ATP2B1: variants seen among roughly 807,000 people sequenced by gnomAD.
ATP2B1 encodes the protein plasma membrane calcium-transporting ATPase 1.
In ATP2B1, 14 loss-of-function variants were observed where a neutral mutation model predicts 124.2. The ratio of observed to expected loss-of-function variants is 0.11; its 90% CI spans 0.07 to 0.18. The LOEUF (loss-of-function observed/expected upper bound fraction) is 0.18, where lower values mean the gene tolerates loss of function less well. ATP2B1 is among the 10% of genes least tolerant of loss of function. ATP2B1 has a pLI of 1.00. For missense variants in ATP2B1, 763 were observed against 1,466.1 expected (o/e 0.52, Z 7.83); for synonymous variants, 449 against 492.4 (o/e 0.91, Z 1.17).
intron 1 of ATP2B1, among the ~76,000 whole-genome samples, chr12:89,674,136 A>G (rs1888330103): frequency 6.6e-6 from 1 of 152,210 alleles, no homozygotes; most frequent in African/African-American, 2.4e-5. Context: ...GCAAGACACA[A>G]TAATTCCTGT....
intron 20 of ATP2B1, among the ~76,000 whole-genome samples, chr12:89,598,060 A>AAAAAAAAAAAAAC: frequency 6.6e-6 from 1 of 150,880 alleles, no homozygotes; most frequent in Non-Finnish European, 1.5e-5. Flanking sequence ...AAAAAAAAAA[A>AAAAAAAAAAAAAC]AAATCAAAGC....
rs146424750 is a variant in ATP2B1, at chr12:89,667,738, T to G, written c.-221-11631A>C. On this transcript the variant is annotated intron_variant, in intron 1 of 20. Coordinates refer to ENST00000428670, the MANE Select transcript of ATP2B1 (RefSeq NM_001366521.1). ...GTACACTGCTAAAAGAAATCACAGATGATACAAACAAATGGAAAAACATTC... is the reference window on the plus strand; with the variant it reads ...GTACACTGCTAAAAGAAATCACAGAGGATACAAACAAATGGAAAAACATTC... Among the ~76,000 whole-genome samples the G allele has an allele frequency of 2.4e-4, 37 of 152,218 alleles. 1 individual carries two copies. Among genetic ancestry groups the G allele is most frequent in the African/African-American group, 7.7e-4 (32 of 41,518 alleles).
At chr12:89,643,089 C>CAT (rs1883835405) in intron 2 of ATP2B1, among the ~76,000 whole-genome samples, 1 of 148,424 alleles carries the variant, frequency 6.7e-6, no homozygotes, top group Admixed American at 6.7e-5. Context: ...CACACACACA[C>CAT]ACATATATAC....
intron 20 of ATP2B1, chr12:89,595,006 GGGTA>G (rs1874307155): frequency 6.6e-6 from 1 of 151,988 alleles, no homozygotes; most frequent in South Asian, 2.1e-4. Context: ...TTCCAAAGTT[GGGTA>G]CTTGCATATT....
At chr12:89,660,444 A>C (rs1439488580) in intron 1 of ATP2B1, among the ~76,000 whole-genome samples, 1 of 152,236 alleles carries the variant, frequency 6.6e-6, no homozygotes, top group African/African-American at 2.4e-5. Context: ...CAAAGACAAA[A>C]GTTCAGTTTA....
At chr12:89,705,174 T>A (rs1201761402) in intron 1 of ATP2B1, among the ~76,000 whole-genome samples, 3 of 152,138 alleles carry the variant, frequency 2.0e-5, no homozygotes, top group Non-Finnish European at 1.5e-5. Context: ...AAAAAGTGAA[T>A]TTTTTAAAGT....
chr12:89,680,699 A>G (rs1329673989), intron 1 of ATP2B1, among the ~76,000 whole-genome samples: 1 of 152,130 alleles, frequency 6.6e-6, no homozygotes, highest in East Asian at 1.9e-4. Context: ...ATCTTTCCAC[A>G]TAGAAGAGGC....
chr12:89,698,801 C>A (rs1456644830), intron 1 of ATP2B1, among the ~76,000 whole-genome samples: 1 of 152,108 alleles, frequency 6.6e-6, no homozygotes, highest in African/African-American at 2.4e-5. Flanking sequence ...TTGAGCTGGT[C>A]AGGTTAGATA....
chr12:89,605,854 A>G (rs1187196504), intron 15 of ATP2B1, among the ~76,000 whole-genome samples: 1 of 152,214 alleles, frequency 6.6e-6, no homozygotes, highest in Non-Finnish European at 1.5e-5. Context: ...ATGCTGAGAG[A>G]CGTATCTCTT....
rs1878139012 is a variant in ATP2B1, at chr12:89,612,178, GTTTTTTA to G, written c.2068-813_2068-807del. ...AACATATGATATACTTGATGGTAGA[GTTTTTTA>G]TTTTTTAAGCAGAAATACACTTTCT... On this transcript the variant is annotated intron_variant, in intron 12 of 20. Coordinates refer to ENST00000428670, the MANE Select transcript of ATP2B1 (RefSeq NM_001366521.1). 3.3e-5 allele frequency: 5 copies of G among 152,224 alleles called. No individual in the cohort carries two copies. In the South Asian group the frequency reaches 1.0e-3, roughly 32 times the overall value. The allele number at this position is 152,224 out of a possible 1,614,324, so 9.4% of individuals were successfully genotyped here. A position where few individuals can be genotyped will look rare whatever the true frequency, so the allele number is the denominator to read the frequency against.
At position 89,642,249 on chromosome 12, in the gene ATP2B1, T is replaced by A; in HGVS notation, c.315A>T (p.Ala105=). Residue 105 remains alanine, a synonymous_variant, in exon 3 of 21, where the codon GCA becomes GCT. Transcript: ENST00000428670. ...PKTFLQLVWE[A]LQDVTLIILE... ...ATATAATTAAAGTGACATCTTGTAA[T>A]GCTTCCCATACTAATTGAAGAAAGG... 2 of 1,613,694 alleles carry A rather than the reference T, an allele frequency of 1.2e-6. No homozygotes were observed. Among genetic ancestry groups the A allele is most frequent in the Non-Finnish European group, 1.7e-6 (2 of 1,179,690 alleles).
rs77159805 is a variant in ATP2B1, at chr12:89,590,416, CTT to C, written c.*566_*567del. 8.5e-5 allele frequency: 12 copies of C among 141,574 alleles called. No individual in the cohort carries two copies. The highest frequency in any genetic ancestry group is 1.3e-4 in the African/African-American group (5 of 38,878). The allele number at this position is 141,574 out of a possible 1,614,324, so 8.8% of individuals were successfully genotyped here. On this transcript the variant is annotated 3_prime_UTR_variant, in exon 21 of 21. Transcript: ENST00000428670. ...TAGTACAGTTTCAATAGAAACACCC[CTT>C]TTTTTTTTTTTCCTGAAAATACAGC...
chr12:89,612,950 G>A (rs1878295427), intron 12 of ATP2B1, among the ~76,000 whole-genome samples: 1 of 151,930 alleles, frequency 6.6e-6, no homozygotes, highest in Non-Finnish European at 1.5e-5. Context: ...ATAATAGCAA[G>A]GTACATTTTT....
At chr12:89,604,022 C>G (rs1263145489) in intron 16 of ATP2B1, 97 bp from the exon 17 acceptor site, 10 of 1,419,932 alleles carry the variant, frequency 7.0e-6, no homozygotes, top group Non-Finnish European at 8.6e-6. Flanking sequence ...AGAAACAGAA[C>G]AGGATTATAT....
chr12:89,690,875 C>T (rs1173244811), intron 1 of ATP2B1, among the ~76,000 whole-genome samples: 2 of 152,128 alleles, frequency 1.3e-5, no homozygotes, highest in Non-Finnish European at 2.9e-5. Context: ...GGATTTAAAT[C>T]TGGCTTTTTT....
At chr12:89,622,004 G>A (rs1433755971) in intron 9 of ATP2B1, among the ~76,000 whole-genome samples, 1 of 151,782 alleles carries the variant, frequency 6.6e-6, no homozygotes, top group Non-Finnish European at 1.5e-5. Context: ...GCTTTCTGGG[G>A]TTTCAATCAT....
intron 1 of ATP2B1, among the ~76,000 whole-genome samples, chr12:89,660,080 A>T (rs1321868983): frequency 6.6e-6 from 1 of 152,206 alleles, no homozygotes; most frequent in Non-Finnish European, 1.5e-5. Context: ...ATTGTACATC[A>T]GCATGAGATT....
chr12:89,651,473 G>C (rs1885244716), intron 2 of ATP2B1, among the ~76,000 whole-genome samples: 1 of 151,702 alleles, frequency 6.6e-6, no homozygotes, highest in Non-Finnish European at 1.5e-5. Flanking sequence ...TTTTAATGTT[G>C]CCCAGGCTGG....
At chr12:89,637,416 A>ATTTT (rs112164038) in intron 3 of ATP2B1, among the ~76,000 whole-genome samples, 8 of 149,512 alleles carry the variant, frequency 5.4e-5, no homozygotes, top group Non-Finnish European at 6.0e-5. Context: ...TTAAATTTTA[A>ATTTT]TTTTTTCTTT....
Sources: gnomAD v4.1 joint callset for allele counts (sites outside exome capture counted in the v4.1 genomes callset) on GRCh38, gnomAD v4.1.1 for gene constraint, MANE v1.5 for transcripts, NCBI Gene and HGNC (gene_info 2026-07-23, HGNC 2026-07-21) for gene names.